Variants in GRIP1 observed in about 807,000 individuals in gnomAD.
GRIP1 encodes the protein glutamate receptor-interacting protein 1.
Under a neutral mutation model 129.9 loss-of-function variants are expected in GRIP1, and 45 were observed. That is an observed-to-expected ratio of 0.35 (90% CI 0.27 to 0.44). The LOEUF is 0.44. GRIP1 is among the 20% of genes least tolerant of loss of function. The pLI is 1.00. For missense variants in GRIP1, 1,196 were observed against 1,396.8 expected, an observed-to-expected ratio of 0.86 and a Z score of 2.29; for synonymous variants, 530 against 520.8, an observed-to-expected ratio of 1.02 and a Z score of -0.24.
chr12:66,675,799 G>T (rs565211017), intron 1 of GRIP1, among the ~76,000 whole-genome samples: 1 of 152,326 alleles, frequency 6.6e-6, no homozygotes, highest in South Asian at 2.1e-4. Flanking sequence ...GCTTTTGACG[G>T]TGCTTGGTGT....
intron 1 of GRIP1, among the ~76,000 whole-genome samples, chr12:66,853,280 G>T (rs1592903559): frequency 6.6e-6 from 1 of 151,882 alleles, no homozygotes; most frequent in East Asian, 1.9e-4. Flanking sequence ...TTCTCATGTG[G>T]GGCAAGCTTT....
At chr12:66,831,329 G>C (rs1441962909) in intron 1 of GRIP1, among the ~76,000 whole-genome samples, 2 of 152,110 alleles carry the variant, frequency 1.3e-5, no homozygotes, top group Non-Finnish European at 2.9e-5. Context: ...ATTCACATTA[G>C]CATTATGTTA....
At chr12:66,827,854 C>A (rs376897159) in intron 1 of GRIP1, among the ~76,000 whole-genome samples, 1 of 152,076 alleles carries the variant, frequency 6.6e-6, no homozygotes, top group Non-Finnish European at 1.5e-5. Flanking sequence ...AAAATAAATT[C>A]TTTTTCATAA....
intron 7 of GRIP1, among the ~76,000 whole-genome samples, chr12:66,470,408 C>A (rs2059404268): frequency 1.3e-5 from 2 of 149,656 alleles, no homozygotes; most frequent in Admixed American, 1.3e-4. Context: ...ACAGAATGCC[C>A]CACCTCTTCC....
intron 2 of GRIP1, among the ~76,000 whole-genome samples, chr12:66,592,155 TCTTAA>T (rs1002920931): frequency 6.6e-6 from 1 of 152,320 alleles, no homozygotes; most frequent in East Asian, 1.9e-4. Context: ...TGTTGTAGCC[TCTTAA>T]CTTAAGGTTA....
At chr12:66,911,410 G>A (rs1285818570) in intron 1 of GRIP1, among the ~76,000 whole-genome samples, 3 of 152,126 alleles carry the variant, frequency 2.0e-5, no homozygotes, top group African/African-American at 7.2e-5. Context: ...CTTTCCACAA[G>A]ATTGCCTTTT....
At chr12:67,012,090 C>T (rs1254163037) in intron 1 of GRIP1, among the ~76,000 whole-genome samples, 3 of 152,090 alleles carry the variant, frequency 2.0e-5, no homozygotes, top group African/African-American at 7.2e-5. Context: ...AGTAGTCATA[C>T]AATAAGCAGT....
At chr12:66,969,558 G>A (rs57250913) in intron 1 of GRIP1, among the ~76,000 whole-genome samples, 2,455 of 151,876 alleles carry the variant, frequency 0.016, 62 homozygotes, top group African/African-American at 0.056. Flanking sequence ...CTGGGACCAC[G>A]GGCATATGCC....
At chr12:66,587,362 T>A (rs1408499909) in intron 2 of GRIP1, among the ~76,000 whole-genome samples, 1 of 152,218 alleles carries the variant, frequency 6.6e-6, no homozygotes, top group Non-Finnish European at 1.5e-5. Context: ...GCCTCAGGTT[T>A]TCTATCTGAG....
chr12:66,796,754 C>T (rs1246732051), intron 1 of GRIP1, among the ~76,000 whole-genome samples: 1 of 152,076 alleles, frequency 6.6e-6, no homozygotes, highest in Non-Finnish European at 1.5e-5. Flanking sequence ...TGGTGGGATG[C>T]TTACCACAAA....
chr12:67,040,218 C>T (rs939532131), intron 1 of GRIP1, among the ~76,000 whole-genome samples: 7 of 130,410 alleles, frequency 5.4e-5, no homozygotes, highest in African/African-American at 1.7e-4. Context: ...TACCCACCCC[C>T]ACCCCCCCAG....
intron 7 of GRIP1, among the ~76,000 whole-genome samples, chr12:66,484,834 G>A (rs1357034024): frequency 6.6e-6 from 1 of 152,150 alleles, no homozygotes; most frequent in Non-Finnish European, 1.5e-5. Context: ...GATTTGGAAT[G>A]TTCTCAACTC....
intron 1 of GRIP1, among the ~76,000 whole-genome samples, chr12:66,954,189 C>T (rs937368495): frequency 4.6e-5 from 7 of 152,182 alleles, no homozygotes; most frequent in Non-Finnish European, 8.8e-5. Flanking sequence ...CATCTCTTCC[C>T]TTCTGCTAAT....
intron 14 of GRIP1, among the ~76,000 whole-genome samples, chr12:66,423,798 T>C (rs1052629837): frequency 2.0e-5 from 3 of 152,150 alleles, no homozygotes; most frequent in Admixed American, 6.5e-5. Context: ...GGAAGGATAC[T>C]GAATACTTCC....
chr12:66,753,154 G>A (rs1246489886), intron 1 of GRIP1, among the ~76,000 whole-genome samples: 1 of 151,988 alleles, frequency 6.6e-6, no homozygotes, highest in Non-Finnish European at 1.5e-5. Flanking sequence ...TAGGTATATG[G>A]CTATCCGACC....
intron 7 of GRIP1, among the ~76,000 whole-genome samples, chr12:66,503,490 T>A (rs891426504): frequency 1.3e-5 from 2 of 152,126 alleles, no homozygotes; most frequent in African/African-American, 4.8e-5. Context: ...CTCTTCCAAG[T>A]GTACTTTCCT....
intron 4 of GRIP1, among the ~76,000 whole-genome samples, chr12:66,535,088 T>G (rs979954031): frequency 1.3e-5 from 2 of 152,062 alleles, no homozygotes; most frequent in Admixed American, 6.6e-5. Context: ...ATATTCCTCT[T>G]CCCACCTGGC....
At chr12:66,939,690 C>T (rs2041551918) in intron 1 of GRIP1, among the ~76,000 whole-genome samples, 1 of 151,682 alleles carries the variant, frequency 6.6e-6, no homozygotes, top group African/African-American at 2.4e-5. Flanking sequence ...TTAAAGCTTT[C>T]GTCTGCCAAA....
intron 11 of GRIP1, among the ~76,000 whole-genome samples, chr12:66,447,766 T>C (rs370819563): frequency 6.6e-6 from 1 of 152,208 alleles, no homozygotes; most frequent in Non-Finnish European, 1.5e-5. Flanking sequence ...CTTCTGTCTA[T>C]AGACGTGTAC....
Sources: gnomAD v4.1 joint callset for allele counts (sites outside exome capture counted in the v4.1 genomes callset) on GRCh38, gnomAD v4.1.1 for gene constraint, MANE v1.5 for transcripts, NCBI Gene and HGNC (gene_info 2026-07-23, HGNC 2026-07-21) for gene names.